EPAS1: variants seen among roughly 807,000 people sequenced by gnomAD.
EPAS1 encodes endothelial PAS domain-containing protein 1.
A neutral mutation model predicts 87.9 loss-of-function variants in EPAS1; 23 were observed. The ratio of observed to expected loss-of-function variants is 0.26; its 90% CI spans 0.19 to 0.37. EPAS1 has a LOEUF of 0.37. Ranked by LOEUF, EPAS1 falls within the 10% of genes least tolerant of loss-of-function variation. EPAS1 has a pLI of 1.00. For missense variants in EPAS1, 1,138 were observed against 1,120.7 expected, an observed-to-expected ratio of 1.02 and a Z score of -0.22; for synonymous variants, 508 against 444.3, an observed-to-expected ratio of 1.14 and a Z score of -1.80.
chr2:46,327,990 T>C (rs1367881599), intron 1 of EPAS1, among the ~76,000 whole-genome samples: 1 of 152,122 alleles, frequency 6.6e-6, no homozygotes, highest in Non-Finnish European at 1.5e-5. Context: ...CTACACGTAC[T>C]CCCTCCCCAG....
rs1008611424 is a variant in EPAS1 at position 46,297,727 on chromosome 2, C to G, written c.-185C>G. On this transcript the variant is annotated 5_prime_UTR_variant, in exon 1 of 16. Transcript: ENST00000263734. ...CCTCCCAGTCACCTTTCTCCACCCC[C>G]GCCCCCGCACCTAGCCCGCCGCGCG... The G allele has an allele frequency of 9.0e-6, 6 of 666,476 alleles. No homozygotes were observed. In the African/African-American group the frequency reaches 1.1e-4, roughly 13 times the overall value. The allele number at this position is 666,476 out of a possible 1,614,324, so 41.3% of individuals were successfully genotyped here.
intron 2 of EPAS1, among the ~76,000 whole-genome samples, chr2:46,349,502 G>A (rs748375821): frequency 1.3e-5 from 2 of 152,190 alleles, no homozygotes; most frequent in South Asian, 2.1e-4. Flanking sequence ...GAAAGTTGTG[G>A]ACACAAACTT....
At chr2:46,369,594 C>T (rs1684582535) in intron 6 of EPAS1, among the ~76,000 whole-genome samples, 1 of 152,152 alleles carries the variant, frequency 6.6e-6, no homozygotes, top group South Asian at 2.1e-4. Context: ...GCTTTTCTCT[C>T]CTCCCAAACA....
chr2:46,344,633 A>C (rs1262254891), intron 1 of EPAS1, among the ~76,000 whole-genome samples: 1 of 152,158 alleles, frequency 6.6e-6, no homozygotes, highest in Non-Finnish European at 1.5e-5. Flanking sequence ...AAAAACTGCC[A>C]CTAAAGGTCT....
chr2:46,341,631 C>G (rs906252970), intron 1 of EPAS1, among the ~76,000 whole-genome samples: 1 of 152,178 alleles, frequency 6.6e-6, no homozygotes, highest in African/African-American at 2.4e-5. Flanking sequence ...ATTTGCTGGA[C>G]ACAGTGAATA....
intron 1 of EPAS1, among the ~76,000 whole-genome samples, chr2:46,315,714 G>A (rs973486125): frequency 3.2e-4 from 49 of 152,240 alleles, no homozygotes; most frequent in Non-Finnish European, 1.5e-5. Context: ...CTGCTGGACC[G>A]AGGGCAGGAT....
At chr2:46,326,633 T>C (rs1683570758) in intron 1 of EPAS1, among the ~76,000 whole-genome samples, 1 of 152,176 alleles carries the variant, frequency 6.6e-6, no homozygotes, top group Non-Finnish European at 1.5e-5. Flanking sequence ...CATTTGTACA[T>C]ATTTGGAGTT....
At chr2:46,384,452 CACT>C (rs1472107096) in intron 15 of EPAS1, 54 bp from the exon 16 acceptor site, 1 of 1,611,862 alleles carries the variant, frequency 6.2e-7, no homozygotes, top group Non-Finnish European at 8.5e-7. Flanking sequence ...AAGAAGTAGA[CACT>C]TTTCCAAATG....
intron 1 of EPAS1, among the ~76,000 whole-genome samples, chr2:46,323,731 AT>A (rs1002493775): frequency 3.2e-4 from 48 of 151,788 alleles, no homozygotes; most frequent in African/African-American, 6.8e-4. Flanking sequence ...AGAAAGTAAT[AT>A]TTTTTTTTCC....
At position 46,375,184 on chromosome 2, in the gene EPAS1, AAAAAAC is replaced by A. The variant is rs1684712184; in HGVS notation, c.887-500_887-495del. On this transcript the variant is annotated intron_variant, in intron 7 of 15. Transcript: ENST00000263734. This position sits in a 1 kb window ranked among gnomAD's most constrained non-coding sequence, Gnocchi z 4.1. ...TATTGGTGGTGGGTCTGCTGAAAAAAAAAAACAAAAAAAAACAAAAAAAACTGCCCT... is the reference window on the plus strand; with the variant it reads ...TATTGGTGGTGGGTCTGCTGAAAAAAAAAAAAAAACAAAAAAAACTGCCCT... Among the ~76,000 whole-genome samples, 1 of 138,478 alleles carries A rather than the reference AAAAAAC, an allele frequency of 7.2e-6. No individual in the cohort carries two copies. The highest frequency in any genetic ancestry group is 2.7e-5 in the African/African-American group (1 of 36,852). The allele number at this position is 138,478 out of a possible 152,430, so 90.8% of individuals were successfully genotyped here.
At chr2:46,331,826 T>C (rs1159180739) in intron 1 of EPAS1, among the ~76,000 whole-genome samples, 1 of 152,150 alleles carries the variant, frequency 6.6e-6, no homozygotes, top group Non-Finnish European at 1.5e-5. Context: ...CTCACTCTAA[T>C]CTTCTAAATC....
At position 46,386,035 on chromosome 2, in the gene EPAS1, C is replaced by G. The variant is rs1292982665; in HGVS notation, c.*1375C>G. The stretch of plus-strand genomic sequence containing the variant: ...GTCCAGACCAGCCCTGCAGCCCCCA[C>G]TCAGCCGGCAGCCAGATGGCCCCGC... On this transcript the variant is annotated 3_prime_UTR_variant, in exon 16 of 16. Transcript: ENST00000263734. 6.5e-6 allele frequency: 1 copy of G among 152,746 alleles called. No individual in the cohort carries two copies. Among genetic ancestry groups the G allele is most frequent in the African/African-American group, 2.4e-5 (1 of 41,466 alleles). 9.5% of individuals were successfully genotyped at this position (152,746 alleles called of 1,614,324 possible).
rs757224585 is a variant in EPAS1, at chr2:46,347,027, A to G, written c.181A>G (p.Ile61Val). 83 of 1,614,070 alleles carry G rather than the reference A, an allele frequency of 5.1e-5. 1 individual carries two copies. The Admixed American group carries it at 1.3e-3, about 25-fold the overall frequency. Residue 61 changes from isoleucine to valine, a missense_variant, in exon 2 of 16, where the codon ATC (isoleucine) becomes GTC (valine). Coordinates refer to ENST00000263734, the MANE Select transcript of EPAS1 (RefSeq NM_001430.5). The surrounding 1 kb of genome is among the most constrained non-coding windows in gnomAD (Gnocchi z 4.2). ...LDKASIMRLA[I>V]SFLRTHKLLS... is the part of the protein sequence containing the mutation. ...CAAGGCCTCCATCATGCGACTGGCA[A>G]TCAGCTTCCTGCGAACACACAAGCT...
At position 46,375,549 on chromosome 2, in the gene EPAS1, T is replaced by C; in HGVS notation, c.887-141T>C. 1.0e-6 allele frequency: 1 copy of C among 999,398 alleles called. No individual in the cohort carries two copies. Among genetic ancestry groups the C allele is most frequent in the Non-Finnish European group, 1.5e-6 (1 of 655,974 alleles). The allele number at this position is 999,398 out of a possible 1,614,324, so 61.9% of individuals were successfully genotyped here. A position where few individuals can be genotyped will look rare whatever the true frequency, so the allele number is the denominator to read the frequency against. On this transcript the variant is annotated intron_variant, in intron 7 of 15. Transcript: ENST00000263734. The surrounding 1 kb of genome is among the most constrained non-coding windows in gnomAD (Gnocchi z 4.1). ...ATCCCTAAGCTCCCTCCCAGGTCAC[T>C]CTCCCTGGTCCTCACTGTCGTGGCG...
chr2:46,341,576 C>G (rs143334488), intron 1 of EPAS1, among the ~76,000 whole-genome samples: 25 of 152,274 alleles, frequency 1.6e-4, no homozygotes, highest in African/African-American at 5.3e-4. Context: ...GTGATCACAC[C>G]AACTCCTAGA....
At chr2:46,308,470 G>GGA (rs1470240476) in intron 1 of EPAS1, among the ~76,000 whole-genome samples, 1 of 132,832 alleles carries the variant, frequency 7.5e-6, no homozygotes, top group South Asian at 2.7e-4. Flanking sequence ...TGGGGGGGGG[G>GGA]GCTCTGAAAT....
chr2:46,365,617 G>A (rs1041833355), intron 6 of EPAS1, among the ~76,000 whole-genome samples: 3 of 152,208 alleles, frequency 2.0e-5, no homozygotes, highest in Admixed American at 6.5e-5. Context: ...AGACAGGATA[G>A]AAATGGATTT....
rs776299125 is a variant in EPAS1 at position 46,376,663 on chromosome 2, A to C, written c.1159A>C (p.Asn387His). 6.8e-6 allele frequency: 11 copies of C among 1,614,032 alleles called. No homozygotes were observed. The South Asian group carries it at 1.2e-4, about 18-fold the overall frequency. Residue 387 changes from asparagine to histidine, a missense_variant, in exon 9 of 16, where the codon AAC becomes CAC. Physicochemically the swap from Asn to His is moderately conservative, Grantham distance 68. This residue lies in a region of EPAS1 where 284 missense variants were observed against 258.4 expected (regional missense o/e 1.10). Coordinates refer to ENST00000263734, the MANE Select transcript of EPAS1 (RefSeq NM_001430.5). Reference protein sequence around the residue: ...SGKGAVSEKSNFLFTKLKEEP... With the variant: ...SGKGAVSEKSHFLFTKLKEEP... The stretch of plus-strand genomic sequence containing the variant: ...CAAGGGGGCTGTGTCTGAGAAGAGT[A>C]ACTTCCTATTCACCAAGCTAAAGGA...
Position 46,297,791 on chromosome 2 carries a change from C to T in EPAS1, c.-121C>T. ...GACTGCGCGGGGCGCTCGGGACCTG[C>T]GCGCACCTCGGACCTTCACCACCCG... On this transcript the variant is annotated 5_prime_UTR_variant, in exon 1 of 16. Coordinates refer to ENST00000263734, the MANE Select transcript of EPAS1 (RefSeq NM_001430.5). 7.3e-7 allele frequency: 1 copy of T among 1,368,278 alleles called. No individual in the cohort carries two copies. Among genetic ancestry groups the T allele is most frequent in the Admixed American group, 2.0e-5 (1 of 50,022 alleles). 84.8% of individuals were successfully genotyped at this position (1,368,278 alleles called of 1,614,324 possible).
Sources: gnomAD v4.1 joint callset for allele counts (sites outside exome capture counted in the v4.1 genomes callset) on GRCh38, gnomAD v4.1.1 for gene constraint, gnomAD v4.1.1 regional missense constraint, Gnocchi (gnomAD v3.1) non-coding constraint, MANE v1.5 for transcripts, NCBI Gene and HGNC (gene_info 2026-07-23, HGNC 2026-07-21) for gene names.